The following SUPT3H variants were observed in gnomAD, a reference collection of about 807,000 sequenced individuals.
SUPT3H encodes transcription initiation protein SPT3 homolog.
In SUPT3H, 44 loss-of-function variants were observed where a neutral mutation model predicts 44.3. The ratio of observed to expected loss-of-function variants is 0.99; its 90% CI spans 0.78 to 1.28. The LOEUF (loss-of-function observed/expected upper bound fraction) is 1.28, where lower values mean the gene tolerates loss of function less well. Ranked by LOEUF, SUPT3H falls within the 50% of genes most tolerant of loss-of-function variation. SUPT3H has a pLI of 0.00. For missense variants in SUPT3H, 380 were observed against 387.1 expected (o/e 0.98, Z 0.15); for synonymous variants, 124 against 125.6 (o/e 0.99, Z 0.09).
chr6:45,062,976 G>C (rs1244929763), intron 3 of SUPT3H, among the ~76,000 whole-genome samples: 1 of 151,724 alleles, frequency 6.6e-6, no homozygotes, highest in Non-Finnish European at 1.5e-5. Context: ...AAGGAGACCT[G>C]CCTGCCTCTG....
At chr6:44,865,232 T>C (rs1775317276) in intron 10 of SUPT3H, among the ~76,000 whole-genome samples, 1 of 152,178 alleles carries the variant, frequency 6.6e-6, no homozygotes, top group Non-Finnish European at 1.5e-5. Context: ...TTATCACCAT[T>C]TTGGTCAAAG....
intron 6 of SUPT3H, among the ~76,000 whole-genome samples, chr6:44,992,126 T>G (rs932995088): frequency 6.6e-6 from 1 of 152,204 alleles, no homozygotes; most frequent in African/African-American, 2.4e-5. Flanking sequence ...TTCAATGATA[T>G]TTTAAAATTC....
chr6:45,252,052 A>G (rs1772470634), intron 2 of SUPT3H, among the ~76,000 whole-genome samples: 1 of 152,232 alleles, frequency 6.6e-6, no homozygotes, highest in South Asian at 2.1e-4. Context: ...GAAGATGAAG[A>G]TATGGTCAAC....
At position 45,242,851 on chromosome 6, in the gene SUPT3H, G is replaced by A. The variant is rs113480510; in HGVS notation, c.101+122350C>T. ...AACAGAAGAAAAGTCAATAGAAACAGATGCAGAAATGGCATAGATAACAAA... is the reference window on the plus strand; with the variant it reads ...AACAGAAGAAAAGTCAATAGAAACAAATGCAGAAATGGCATAGATAACAAA... On this transcript the variant is annotated intron_variant, in intron 2 of 10. Coordinates refer to ENST00000371459, the MANE Select transcript of SUPT3H (RefSeq NM_003599.4). Among the ~76,000 whole-genome samples the A allele has an allele frequency of 9.1e-3, 1,380 of 152,216 alleles. 15 individuals carry two copies. Among genetic ancestry groups the A allele is most frequent in the South Asian group, 0.028 (136 of 4,828 alleles).
rs112280292 is a variant in SUPT3H at position 45,008,746 on chromosome 6, C to CT, written c.365-4955dup. Among the ~76,000 whole-genome samples, 881 of 145,542 alleles carry CT rather than the reference C, an allele frequency of 6.1e-3. 4 individuals carry two copies. The highest frequency in any genetic ancestry group is 0.019 in the African/African-American group (765 of 39,840). ...TTTGCATTTCTCTGATGGCTAATGA[C>CT]TTTTTTTTTTTTGAGATGGAATCTC... On this transcript the variant is annotated intron_variant, in intron 5 of 10. Coordinates refer to ENST00000371459, the MANE Select transcript of SUPT3H (RefSeq NM_003599.4).
chr6:45,350,727 A>C (rs1264388719), intron 2 of SUPT3H, among the ~76,000 whole-genome samples: 1 of 152,222 alleles, frequency 6.6e-6, no homozygotes, highest in Non-Finnish European at 1.5e-5. Flanking sequence ...AAAACAACAA[A>C]AAATTTTAAG....
chr6:45,232,046 T>C (rs1768155439), intron 2 of SUPT3H, among the ~76,000 whole-genome samples: 1 of 152,224 alleles, frequency 6.6e-6, no homozygotes, highest in Non-Finnish European at 1.5e-5. Context: ...TTTAGTTTAA[T>C]TTTACATTCT....
At chr6:45,308,544 C>G (rs551760116) in intron 2 of SUPT3H, among the ~76,000 whole-genome samples, 1 of 152,134 alleles carries the variant, frequency 6.6e-6, no homozygotes, top group South Asian at 2.1e-4. Context: ...GAAGCAAATG[C>G]TGAGAGATTT....
At chr6:45,189,949 T>C (rs1268988462) in intron 2 of SUPT3H, among the ~76,000 whole-genome samples, 3 of 152,220 alleles carry the variant, frequency 2.0e-5, no homozygotes, top group Non-Finnish European at 2.9e-5. Flanking sequence ...AACTTTTTAA[T>C]GTATCTTCCC....
intron 2 of SUPT3H, among the ~76,000 whole-genome samples, chr6:45,302,969 C>T (rs1440318755): frequency 6.6e-6 from 1 of 152,004 alleles, no homozygotes; most frequent in African/African-American, 2.4e-5. Context: ...GAAATAAACC[C>T]AAATACTTAC....
In SUPT3H at chr6:44,889,167, A is replaced by G. The variant is rs1334380105; in HGVS notation, c.912+43486T>C. Among the ~76,000 whole-genome samples, 10 of 152,242 alleles carry G rather than the reference A, an allele frequency of 6.6e-5. No homozygotes were observed. The East Asian group carries it at 1.9e-3, about 29-fold the overall frequency. On this transcript the variant is annotated intron_variant, in intron 10 of 10. Coordinates refer to ENST00000371459, the MANE Select transcript of SUPT3H (RefSeq NM_003599.4). ...CCATGCTCATGGGTAGGAAGAATCAATATTGTGAAAATGGCCATACTGTCC... is the reference window on the plus strand; with the variant it reads ...CCATGCTCATGGGTAGGAAGAATCAGTATTGTGAAAATGGCCATACTGTCC...
chr6:45,311,177 T>C (rs945873859), intron 2 of SUPT3H, among the ~76,000 whole-genome samples: 2 of 152,032 alleles, frequency 1.3e-5, no homozygotes, highest in East Asian at 1.9e-4. Flanking sequence ...GTAGAAGAAA[T>C]TGAGAGCTCA....
chr6:44,905,491 A>T (rs1435401365), intron 10 of SUPT3H, among the ~76,000 whole-genome samples: 10 of 150,762 alleles, frequency 6.6e-5, no homozygotes, highest in Non-Finnish European at 1.0e-4. Flanking sequence ...CACCAGTTAG[A>T]ATGGCAATCA....
At chr6:44,973,567 C>T (rs1187528619) in intron 6 of SUPT3H, among the ~76,000 whole-genome samples, 1 of 152,170 alleles carries the variant, frequency 6.6e-6, no homozygotes, top group African/African-American at 2.4e-5. Context: ...ACTGTTCCGA[C>T]CTTGGCCTGT....
intron 2 of SUPT3H, among the ~76,000 whole-genome samples, chr6:45,207,184 T>C (rs1455827417): frequency 6.6e-6 from 1 of 152,020 alleles, no homozygotes; most frequent in Non-Finnish European, 1.5e-5. Context: ...TAAATAAAAA[T>C]AAACCAGAAG....
intron 6 of SUPT3H, among the ~76,000 whole-genome samples, chr6:44,982,400 T>G (rs1779221072): frequency 6.6e-6 from 1 of 152,178 alleles, no homozygotes; most frequent in Non-Finnish European, 1.5e-5. Context: ...ATTTTTTGTA[T>G]TTTTAGTAGA....
Position 44,827,535 on chromosome 6 carries a change from T to A in SUPT3H, c.*2281A>T, listed in dbSNP as rs1767899235. On this transcript the variant is annotated 3_prime_UTR_variant, in exon 11 of 11. Coordinates refer to ENST00000371459, the MANE Select transcript of SUPT3H (RefSeq NM_003599.4). ...TTTCATTTGCAAGATGAGCAGCTGT[T>A]CTTAATGATCTCTAAGACTATCTTC... Among the ~76,000 whole-genome samples, 1 of 152,132 alleles carries A rather than the reference T, an allele frequency of 6.6e-6. No homozygotes were observed. The highest frequency in any genetic ancestry group is 1.5e-5 in the Non-Finnish European group (1 of 67,980).
intron 2 of SUPT3H, among the ~76,000 whole-genome samples, chr6:45,255,418 G>GTT (rs11394172): frequency 0.04 from 4,608 of 116,134 alleles, 359 homozygotes; most frequent in African/African-American, 0.12. Flanking sequence ...CCTATAATAG[G>GTT]TTTTTTTTTT....
At chr6:45,117,115 A>G (rs566458077) in intron 2 of SUPT3H, among the ~76,000 whole-genome samples, 1 of 151,446 alleles carries the variant, frequency 6.6e-6, no homozygotes, top group African/African-American at 2.4e-5. Flanking sequence ...AGTTTTCATT[A>G]AAAAAAAAGT....
Sources: allele counts gnomAD v4.1 joint callset (sites outside exome capture counted in the v4.1 genomes callset), GRCh38; gene constraint gnomAD v4.1.1; transcripts MANE v1.5; gene names NCBI Gene and HGNC (gene_info 2026-07-23, HGNC 2026-07-21).